SLCO3A1: variants seen among roughly 807,000 people sequenced by gnomAD.
The protein encoded by SLCO3A1 is PGE1 transporter.
Under a neutral mutation model 63.1 loss-of-function variants are expected in SLCO3A1, and 27 were observed. That is an observed-to-expected ratio of 0.43 (90% CI 0.32 to 0.59). The LOEUF is 0.59. Ranked by LOEUF, SLCO3A1 falls within the 20% of genes least tolerant of loss-of-function variation. SLCO3A1 has a pLI of 0.09. For synonymous variants in SLCO3A1, 473 were observed against 409.9 expected, an observed-to-expected ratio of 1.15 and a Z score of -1.86; for missense variants, 773 against 945.8, an observed-to-expected ratio of 0.82 and a Z score of 2.40.
chr15:92,171,754 G>C, intron 10 of SLCO3A1: 1 of 1,499,050 alleles, frequency 6.7e-7, no homozygotes, highest in Non-Finnish European at 9.1e-7. Context: ...TTTCCTCTTG[G>C]CTCTTCTTCC....
intron 2 of SLCO3A1, among the ~76,000 whole-genome samples, chr15:91,984,458 A>G (rs1396586418): frequency 9.2e-5 from 14 of 152,214 alleles, no homozygotes; most frequent in Admixed American, 9.2e-4. Flanking sequence ...AAGATGATGT[A>G]TTTATGCACA....
At chr15:92,052,980 TGGACAGTGC>T (rs1274896155) in intron 2 of SLCO3A1, among the ~76,000 whole-genome samples, 1 of 152,204 alleles carries the variant, frequency 6.6e-6, no homozygotes, top group Non-Finnish European at 1.5e-5. Flanking sequence ...ATACTTTTGC[TGGACAGTGC>T]GGCTCTAGAA....
chr15:91,910,516 T>C (rs1207920834), intron 1 of SLCO3A1, among the ~76,000 whole-genome samples: 1 of 152,232 alleles, frequency 6.6e-6, no homozygotes, highest in Non-Finnish European at 1.5e-5. Context: ...AGCTTTTTAG[T>C]GTGCACCTAC....
chr15:91,977,509 A>T (rs1199666962), intron 2 of SLCO3A1, among the ~76,000 whole-genome samples: 1 of 152,238 alleles, frequency 6.6e-6, no homozygotes, highest in African/African-American at 2.4e-5. Flanking sequence ...GTTCTCAGAC[A>T]TGGAAAACCA....
At chr15:91,864,343 G>T (rs781238938) in intron 1 of SLCO3A1, among the ~76,000 whole-genome samples, 2 of 152,152 alleles carry the variant, frequency 1.3e-5, no homozygotes, top group Non-Finnish European at 2.9e-5. Flanking sequence ...TTCGCTGGCA[G>T]GTATAAGCAG....
chr15:91,864,221 G>T (rs1419309783), intron 1 of SLCO3A1, among the ~76,000 whole-genome samples: 3 of 152,186 alleles, frequency 2.0e-5, no homozygotes, highest in African/African-American at 7.2e-5. Flanking sequence ...GTCTTCTTAA[G>T]TATAACATCG....
intron 2 of SLCO3A1, among the ~76,000 whole-genome samples, chr15:92,047,779 C>T (rs1233783514): frequency 1.3e-5 from 2 of 149,798 alleles, no homozygotes; most frequent in South Asian, 2.1e-4. Context: ...ATGTGTTCAT[C>T]GGTTTGTAAT....
chr15:92,137,125 C>T, intron 7 of SLCO3A1, among the ~76,000 whole-genome samples: 1 of 141,480 alleles, frequency 7.1e-6, no homozygotes, highest in Non-Finnish European at 1.5e-5. Flanking sequence ...CCTCCCCCGT[C>T]CCCCCACCCC....
intron 1 of SLCO3A1, among the ~76,000 whole-genome samples, chr15:91,881,223 A>G (rs1897575822): frequency 6.6e-6 from 1 of 152,150 alleles, no homozygotes; most frequent in African/African-American, 2.4e-5. Flanking sequence ...ATTCTAGGAC[A>G]GGAAGCAGAG....
At chr15:91,880,134 C>CGTCT (rs1897524593) in intron 1 of SLCO3A1, among the ~76,000 whole-genome samples, 1 of 98,524 alleles carries the variant, frequency 1.0e-5, no homozygotes, top group Non-Finnish European at 2.3e-5. Flanking sequence ...TCCGTCCGTC[C>CGTCT]ATCCATCCAT....
intron 1 of SLCO3A1, among the ~76,000 whole-genome samples, chr15:91,914,285 C>T (rs1325501155): frequency 1.3e-5 from 2 of 152,218 alleles, no homozygotes; most frequent in Non-Finnish European, 2.9e-5. Flanking sequence ...AGAGGCTGCT[C>T]TGTGCTAACA....
intron 9 of SLCO3A1, among the ~76,000 whole-genome samples, chr15:92,153,308 ATT>A (rs1417886353): frequency 6.6e-6 from 1 of 152,046 alleles, no homozygotes; most frequent in Non-Finnish European, 1.5e-5. Context: ...GACATTTTCT[ATT>A]CTAGTCTATT....
At chr15:92,105,974 C>T (rs1246863594) in intron 4 of SLCO3A1, among the ~76,000 whole-genome samples, 1 of 152,174 alleles carries the variant, frequency 6.6e-6, no homozygotes, top group African/African-American at 2.4e-5. Context: ...TGCTCAGCCC[C>T]CTGTTCTGTT....
At position 91,985,567 on chromosome 15, in the gene SLCO3A1, C is replaced by T. The variant is rs985971442; in HGVS notation, c.646+69109C>T. 6.6e-5 allele frequency among the ~76,000 whole-genome samples: 10 copies of T among 152,044 alleles called. No homozygotes were observed. The South Asian group carries it at 2.1e-3, about 32-fold the overall frequency. The stretch of plus-strand genomic sequence containing the variant: ...GTCAGTGTACGTTTCCTAATGAGCA[C>T]GGGTTGAGGAGCAGTTCCACGCTCA... On this transcript the variant is annotated intron_variant, in intron 2 of 9. Transcript: ENST00000318445.
intron 2 of SLCO3A1, among the ~76,000 whole-genome samples, chr15:92,059,451 T>C (rs917942940): frequency 6.6e-6 from 1 of 152,172 alleles, no homozygotes; most frequent in African/African-American, 2.4e-5. Context: ...GCTTCTTCCG[T>C]CACCCTTGTC....
At chr15:92,074,873 A>G (rs2047258891) in intron 2 of SLCO3A1, among the ~76,000 whole-genome samples, 2 of 152,110 alleles carry the variant, frequency 1.3e-5, no homozygotes, top group Non-Finnish European at 2.9e-5. Flanking sequence ...CTGCCCCTTC[A>G]GGAAAGTACT....
intron 4 of SLCO3A1, among the ~76,000 whole-genome samples, chr15:92,115,527 G>A (rs373457332): frequency 1.2e-4 from 18 of 152,128 alleles, no homozygotes; most frequent in South Asian, 2.1e-4. Flanking sequence ...ACACCTGTGT[G>A]CCAGAGACAC....
At chr15:91,864,085 A>T (rs535231008) in intron 1 of SLCO3A1, among the ~76,000 whole-genome samples, 29 of 152,234 alleles carry the variant, frequency 1.9e-4, no homozygotes, top group Non-Finnish European at 3.7e-4. Flanking sequence ...TCAGAGTGGC[A>T]CGTGGAGCCA....
intron 2 of SLCO3A1, among the ~76,000 whole-genome samples, chr15:92,082,473 G>A (rs924380092): frequency 1.3e-5 from 2 of 152,096 alleles, no homozygotes; most frequent in Non-Finnish European, 2.9e-5. Context: ...CAGAGTCACA[G>A]CCAACCCGCG....
Sources: gnomAD v4.1 joint callset for allele counts (sites outside exome capture counted in the v4.1 genomes callset) on GRCh38, gnomAD v4.1.1 for gene constraint, MANE v1.5 for transcripts, NCBI Gene and HGNC (gene_info 2026-07-23, HGNC 2026-07-21) for gene names.